Variants in TMEM184B observed in about 807,000 individuals in gnomAD.
TMEM184B encodes transmembrane protein 184B.
A neutral mutation model predicts 41.8 loss-of-function variants in TMEM184B; 17 were observed. The ratio of observed to expected loss-of-function variants is 0.41; its 90% CI spans 0.28 to 0.61. The LOEUF is 0.61. TMEM184B is among the 20% of genes least tolerant of loss of function. The probability of loss-of-function intolerance (pLI) is 0.34; values close to 1 mark genes in which losing one functional copy is unlikely to be tolerated. For synonymous variants in TMEM184B, 240 were observed against 229.5 expected (o/e 1.05, Z -0.41); for missense variants, 393 against 557.8 (o/e 0.70, Z 2.98).
chr22:38,261,589 T>C (rs1483037278), intron 1 of TMEM184B, among the ~76,000 whole-genome samples: 3 of 152,208 alleles, frequency 2.0e-5, no homozygotes, highest in Non-Finnish European at 4.4e-5. Flanking sequence ...TTTCCTTTAG[T>C]ACATACCAGT....
intron 3 of TMEM184B, among the ~76,000 whole-genome samples, chr22:38,245,000 G>T (rs1022104261): frequency 6.6e-6 from 1 of 152,214 alleles, no homozygotes; most frequent in Admixed American, 6.5e-5. Context: ...CCTGGCCTGT[G>T]GTCGGAGCTC....
At chr22:38,246,799 G>A (rs763169560) in intron 2 of TMEM184B, 22 of 1,265,944 alleles carry the variant, frequency 1.7e-5, no homozygotes, top group African/African-American at 4.7e-5. Flanking sequence ...GCCAAGAGCT[G>A]CTCTACCACA....
At chr22:38,230,775 A>G in intron 4 of TMEM184B, 31 bp from the exon 5 acceptor site, 1 of 1,599,494 alleles carries the variant, frequency 6.3e-7, no homozygotes, top group Non-Finnish European at 8.5e-7. Flanking sequence ...AGGCAGTGGC[A>G]GTGAGTGAAG....
Position 38,221,516 on chromosome 22 carries a change from G to A in TMEM184B, c.1177C>T (p.Arg393Cys), listed in dbSNP as rs375691235. 3.1e-6 allele frequency: 5 copies of A among 1,613,270 alleles called. No individual in the cohort carries two copies. The highest frequency in any genetic ancestry group is 1.7e-5 in the Admixed American group (1 of 59,958). Residue 393 changes from arginine to cysteine, a missense_variant, in exon 9 of 9, where the codon CGC becomes TGC. Physicochemically the swap from Arg to Cys is radical, Grantham distance 180. Transcript: ENST00000361906. ...AGCAGGAGAGTCTTCTCGTTGTCGC[G>A]GGCGCCACTGAGGCTGTGGGAGCGG... ...LSRSHSLSGA[R>C]DNEKTLLLSS... is the part of the protein sequence containing the mutation.
rs2091416702 is a variant in TMEM184B at position 38,225,780 on chromosome 22, T to C, written c.618-187A>G. On this transcript the variant is annotated intron_variant, in intron 6 of 8. Coordinates refer to ENST00000361906, the MANE Select transcript of TMEM184B (RefSeq NM_012264.5). The surrounding 1 kb of genome is among the most constrained non-coding windows in gnomAD (Gnocchi z 4.4). Reference sequence around the variant, plus strand: ...GGGGTGGGGGTACATGGGGTGCGCCTGCAGGCCAGACCAGCTCTACTGCCT... The same window carrying C: ...GGGGTGGGGGTACATGGGGTGCGCCCGCAGGCCAGACCAGCTCTACTGCCT... 6.6e-6 allele frequency among the ~76,000 whole-genome samples: 1 copy of C among 152,154 alleles called. No individual in the cohort carries two copies. Among genetic ancestry groups the C allele is most frequent in the African/African-American group, 2.4e-5 (1 of 41,430 alleles).
chr22:38,248,943 C>T (rs1344504850), intron 1 of TMEM184B, among the ~76,000 whole-genome samples: 1 of 152,220 alleles, frequency 6.6e-6, no homozygotes, highest in Non-Finnish European at 1.5e-5. Context: ...TGGCTCCTCC[C>T]CAATCTGTGT....
At chr22:38,246,446 G>A (rs1000307131) in intron 2 of TMEM184B, 7 of 295,944 alleles carry the variant, frequency 2.4e-5, no homozygotes, top group African/African-American at 4.3e-5. Flanking sequence ...GGGACCTCAC[G>A]CACTGGCAGC....
chr22:38,260,605 T>C (rs2092356091), intron 1 of TMEM184B, among the ~76,000 whole-genome samples: 1 of 152,064 alleles, frequency 6.6e-6, no homozygotes, highest in Non-Finnish European at 1.5e-5. Context: ...CTCCTTGCCT[T>C]AGCTTCCTCA....
chr22:38,239,960 G>GC lies in TMEM184B; in HGVS notation c.358+5974dup, dbSNP rs746685724. On this transcript the variant is annotated intron_variant, in intron 3 of 8. Coordinates refer to ENST00000361906, the MANE Select transcript of TMEM184B (RefSeq NM_012264.5). This position sits in a 1 kb window ranked among gnomAD's most constrained non-coding sequence, Gnocchi z 4.6. ...TCCAGCAATTTTTTTTTTTTCTGGG[G>GC]CGGGTAGAGATGAGGTCGAGGTCTC... Among the ~76,000 whole-genome samples, 69 of 151,812 alleles carry GC rather than the reference G, an allele frequency of 4.5e-4. No individual in the cohort carries two copies. In the South Asian group the frequency reaches 7.3e-3, roughly 16 times the overall value.
At chr22:38,237,398 T>G (rs59938333) in intron 3 of TMEM184B, among the ~76,000 whole-genome samples, 7,639 of 152,334 alleles carry the variant, frequency 0.05, 673 homozygotes, top group African/African-American at 0.17. Flanking sequence ...GTGTGCCTAC[T>G]GTGTGCCACA....
chr22:38,245,743 G>A (rs940031140), intron 3 of TMEM184B, among the ~76,000 whole-genome samples, 192 bp downstream of exon 3: 2 of 152,236 alleles, frequency 1.3e-5, no homozygotes, highest in African/African-American at 4.8e-5. Context: ...TTGCTTCCAG[G>A]TACCTGTGAG....
chr22:38,246,052 T>C lies in TMEM184B; in HGVS notation c.241A>G (p.Ile81Val), dbSNP rs774098262. Residue 81 changes from isoleucine (I) to valine (V), a missense_variant, in exon 3 of 9, where the codon ATC becomes GTC. Coordinates refer to ENST00000361906, the MANE Select transcript of TMEM184B (RefSeq NM_012264.5). ...GGCACGATGAAGAGGATGCGCACGA[T>C]GTAGCGCTGCTCGTTGGGGCAGCTG... ...CYSCPNEQRY[I>V]VRILFIVPIY... 5 of 1,613,286 alleles carry C rather than the reference T, an allele frequency of 3.1e-6. No individual in the cohort carries two copies. The highest frequency in any genetic ancestry group is 2.2e-5 in the South Asian group (2 of 91,084).
intron 3 of TMEM184B, among the ~76,000 whole-genome samples, chr22:38,234,593 T>C (rs1024171721): frequency 2.1e-4 from 32 of 152,114 alleles, no homozygotes; most frequent in Admixed American, 8.5e-4. Flanking sequence ...GATAAAACCA[T>C]GACTGAAGCT....
At position 38,226,957 on chromosome 22, in the gene TMEM184B, G is replaced by A. The variant is rs1014832023; in HGVS notation, c.526-87C>T. The stretch of plus-strand genomic sequence containing the variant: ...TGCCTCTGGCAGACGGAACTGTACC[G>A]GATGGAGGGACAGAGAGGATGAAGG... On this transcript the variant is annotated intron_variant, in intron 5 of 8. Transcript: ENST00000361906. The surrounding 1 kb of genome is among the most constrained non-coding windows in gnomAD (Gnocchi z 4.6). 42 of 1,333,264 alleles carry A rather than the reference G, an allele frequency of 3.2e-5. No homozygotes were observed. The highest frequency in any genetic ancestry group is 3.7e-5 in the Non-Finnish European group (35 of 954,256). The allele number at this position is 1,333,264 out of a possible 1,614,324, so 82.6% of individuals were successfully genotyped here.
intron 5 of TMEM184B, among the ~76,000 whole-genome samples, chr22:38,228,914 G>C (rs114205057): frequency 0.015 from 2,258 of 152,366 alleles, 42 homozygotes; most frequent in South Asian, 0.045. Flanking sequence ...GTGAGTCACA[G>C]CTGGCCGGAA....
At chr22:38,254,719 C>CATAT (rs1317701883) in intron 1 of TMEM184B, among the ~76,000 whole-genome samples, 5 of 152,138 alleles carry the variant, frequency 3.3e-5, no homozygotes, top group Admixed American at 3.3e-4. Flanking sequence ...AAATATATAT[C>CATAT]ATATACCTAT....
intron 3 of TMEM184B, among the ~76,000 whole-genome samples, chr22:38,232,465 T>G (rs1290402101): frequency 6.6e-6 from 1 of 151,782 alleles, no homozygotes; most frequent in African/African-American, 2.4e-5. Context: ...GAGGAGAGTG[T>G]GGAGAAGGCG....
intron 1 of TMEM184B, among the ~76,000 whole-genome samples, chr22:38,255,014 C>CTAATT (rs1176208615): frequency 6.6e-6 from 1 of 151,640 alleles, no homozygotes; most frequent in African/African-American, 2.4e-5. Flanking sequence ...CCATGGCCAG[C>CTAATT]TAATTTTTTT....
At chr22:38,243,681 G>A (rs1233557325) in intron 3 of TMEM184B, among the ~76,000 whole-genome samples, 1 of 152,178 alleles carries the variant, frequency 6.6e-6, no homozygotes, top group Non-Finnish European at 1.5e-5. Context: ...TCATCTGGAA[G>A]GACAGGATGG....
Sources: allele counts gnomAD v4.1 joint callset (sites outside exome capture counted in the v4.1 genomes callset), GRCh38; gene constraint gnomAD v4.1.1; non-coding constraint Gnocchi (gnomAD v3.1); transcripts MANE v1.5; gene names NCBI Gene and HGNC (gene_info 2026-07-23, HGNC 2026-07-21).